The following ZC3H11A variants were observed in gnomAD, a reference collection of about 807,000 sequenced individuals.
ZC3H11A encodes zinc finger CCCH-type containing 11A.
A neutral mutation model predicts 90.8 loss-of-function variants in ZC3H11A; 22 were observed. That is an observed-to-expected ratio of 0.24 (90% CI 0.17 to 0.35). The LOEUF is 0.35. ZC3H11A is among the 10% of genes least tolerant of loss of function. ZC3H11A has a pLI of 1.00. For synonymous variants in ZC3H11A, 294 were observed against 339.8 expected (o/e 0.87, Z 1.48); for missense variants, 701 against 964.9 (o/e 0.73, Z 3.62).
intron 2 of ZC3H11A, among the ~76,000 whole-genome samples, chr1:203,809,979 A>AG (rs1337709923): frequency 6.6e-6 from 1 of 152,138 alleles, no homozygotes; most frequent in Non-Finnish European, 1.5e-5. Context: ...AACAAAAAAA[A>AG]GTAACTGGGT....
intron 3 of ZC3H11A, among the ~76,000 whole-genome samples, chr1:203,818,026 C>T (rs1271797503): frequency 2.0e-5 from 3 of 152,130 alleles, no homozygotes; most frequent in East Asian, 3.9e-4. Context: ...GGATTACAGG[C>T]GTGAGCCCCC....
In ZC3H11A at chr1:203,853,163, A is replaced by G. The variant is rs975188849; in HGVS notation, c.*764A>G. 21 of 151,850 alleles carry G rather than the reference A, an allele frequency of 1.4e-4. No homozygotes were observed. Among genetic ancestry groups the G allele is most frequent in the African/African-American group, 2.4e-4 (10 of 41,190 alleles). 9.4% of individuals were successfully genotyped at this position (151,850 alleles called of 1,614,324 possible). A position where few individuals can be genotyped will look rare whatever the true frequency, so the allele number is the denominator to read the frequency against. ...ATGATTAGAGGAATTCTTTTTTAGTATGAAAATTGTCCTTTTTCTTCTTCA... is the reference window on the plus strand; with the variant it reads ...ATGATTAGAGGAATTCTTTTTTAGTGTGAAAATTGTCCTTTTTCTTCTTCA... On this transcript the variant is annotated 3_prime_UTR_variant, in exon 18 of 18. Transcript: ENST00000367210.
At chr1:203,833,924 T>C in intron 10 of ZC3H11A, 71 bp downstream of exon 10, 1 of 1,544,160 alleles carries the variant, frequency 6.5e-7, no homozygotes, top group Non-Finnish European at 8.8e-7. Flanking sequence ...TTCTCCAAAC[T>C]CTTTTTATAC....
intron 2 of ZC3H11A, among the ~76,000 whole-genome samples, chr1:203,803,770 T>C (rs1671252278): frequency 6.6e-6 from 1 of 152,294 alleles, no homozygotes; most frequent in Non-Finnish European, 1.5e-5. Context: ...TGTACCTGGC[T>C]ACTTTTTAAA....
intron 1 of ZC3H11A, chr1:203,797,872 G>A (rs959928502): frequency 8.5e-6 from 13 of 1,536,074 alleles, no homozygotes; most frequent in Non-Finnish European, 1.0e-5. Context: ...CTTTTTGAGA[G>A]CAATATAGAA....
In ZC3H11A at chr1:203,802,082, T is replaced by C. The variant is rs559524986; in HGVS notation, c.-1080T>C. The C allele has an allele frequency of 6.5e-6, 1 of 152,744 alleles. No homozygotes were observed. Among genetic ancestry groups the C allele is most frequent in the Admixed American group, 6.5e-5 (1 of 15,296 alleles). 9.5% of individuals were successfully genotyped at this position (152,744 alleles called of 1,614,324 possible). A position where few individuals can be genotyped will look rare whatever the true frequency, so the allele number is the denominator to read the frequency against. Reference sequence around the variant, plus strand: ...GATAAAGCTTTCTGTGTTTTGACAGTGCCAGTTTAGAATGGCTATAATGCT... The same window carrying C: ...GATAAAGCTTTCTGTGTTTTGACAGCGCCAGTTTAGAATGGCTATAATGCT... On this transcript the variant is annotated 5_prime_UTR_variant, in exon 2 of 18. Coordinates refer to ENST00000367210, the MANE Select transcript of ZC3H11A (RefSeq NM_001376342.1).
At position 203,852,531 on chromosome 1, in the gene ZC3H11A, A is replaced by G. The variant is rs890647664; in HGVS notation, c.*132A>G. The stretch of plus-strand genomic sequence containing the variant: ...CCCCAAATCAGAAGTATACCTCTGA[A>G]TTATCTGTATGTGTCCTGGATTCCT... On this transcript the variant is annotated 3_prime_UTR_variant, in exon 18 of 18. Coordinates refer to ENST00000367210, the MANE Select transcript of ZC3H11A (RefSeq NM_001376342.1). 5.3e-6 allele frequency: 5 copies of G among 949,858 alleles called. No individual in the cohort carries two copies. The African/African-American group carries it at 6.7e-5, about 13-fold the overall frequency. 58.8% of individuals were successfully genotyped at this position (949,858 alleles called of 1,614,324 possible).
intron 12 of ZC3H11A, 118 bp downstream of exon 12, chr1:203,840,492 C>A: frequency 2.9e-6 from 3 of 1,020,224 alleles, no homozygotes; most frequent in Non-Finnish European, 4.3e-6. Context: ...TTTTGTAGTT[C>A]TGTTTGTTTT....
intron 9 of ZC3H11A, 145 bp from the exon 10 acceptor site, chr1:203,833,646 G>A: frequency 3.1e-6 from 1 of 319,754 alleles, no homozygotes; most frequent in East Asian, 5.5e-5. Flanking sequence ...TGATATAATG[G>A]CCTTCCTTAA....
At chr1:203,848,230 C>G in intron 13 of ZC3H11A, 101 bp from the exon 14 acceptor site, 1 of 948,054 alleles carries the variant, frequency 1.1e-6, no homozygotes, top group Non-Finnish European at 1.6e-6. Context: ...TTTTATTTGT[C>G]CTGTCTTACT....
intron 4 of ZC3H11A, among the ~76,000 whole-genome samples, chr1:203,827,365 T>TC (rs1450315191): frequency 6.6e-5 from 10 of 150,524 alleles, no homozygotes; most frequent in East Asian, 4.0e-4. Context: ...TTTTTTTTTT[T>TC]CTCCCAATTT....
At chr1:203,826,752 A>G (rs1169696999) in intron 4 of ZC3H11A, among the ~76,000 whole-genome samples, 1 of 152,232 alleles carries the variant, frequency 6.6e-6, no homozygotes, top group Non-Finnish European at 1.5e-5. Flanking sequence ...GAGATTCGAC[A>G]TAATGCAGTT....
chr1:203,836,155 A>G (rs906694038), intron 10 of ZC3H11A, among the ~76,000 whole-genome samples: 44 of 152,164 alleles, frequency 2.9e-4, no homozygotes, highest in African/African-American at 9.7e-4. Flanking sequence ...AGCTGAGGTT[A>G]GAGGATCCCT....
rs770994742 is a variant in ZC3H11A, at chr1:203,847,477, T to C, written c.1336T>C (p.Leu446=). The change falls in exon 13 of 18, where the codon TTG becomes CTG. Residue 446 remains leucine (L), a synonymous_variant. Transcript: ENST00000367210. The part of the protein sequence containing the change: ...IDSEIKKTVV[L]PPIVASRGQS... ...TAGTGAAATTAAAAAAACAGTAGTT[T>C]TGCCACCCATTGTTGCCAGCAGAGG... is the stretch of plus-strand genomic sequence containing the variant. 3.1e-6 allele frequency: 5 copies of C among 1,613,788 alleles called. No individual in the cohort carries two copies. The Admixed American group carries it at 8.3e-5, about 27-fold the overall frequency.
At chr1:203,818,813 T>A in intron 4 of ZC3H11A, 124 bp downstream of exon 4, 1 of 1,436,588 alleles carries the variant, frequency 7.0e-7, no homozygotes, top group Non-Finnish European at 9.4e-7. Flanking sequence ...CTCATGCCTG[T>A]AGTTCCAGCA....
At chr1:203,810,784 G>A (rs1674202863) in intron 2 of ZC3H11A, among the ~76,000 whole-genome samples, 1 of 151,968 alleles carries the variant, frequency 6.6e-6, no homozygotes, top group African/African-American at 2.4e-5. Context: ...TATCTACTCA[G>A]GATTCCATTT....
At chr1:203,795,926 T>C (rs936786169) in intron 1 of ZC3H11A, 132 bp downstream of exon 1, 1 of 151,710 alleles carries the variant, frequency 6.6e-6, no homozygotes, top group African/African-American at 2.4e-5. Context: ...AGCGGATCCT[T>C]CAGCTTCGCC....
Position 203,819,085 on chromosome 1 carries a change from T to TACAC in ZC3H11A, c.174+397_174+398insCACA, listed in dbSNP as rs1329539748. Among the ~76,000 whole-genome samples, 21 of 66,040 alleles carry TACAC rather than the reference T, an allele frequency of 3.2e-4. No individual in the cohort carries two copies. In the South Asian group the frequency reaches 4.3e-3, roughly 14 times the overall value. 43.3% of individuals were successfully genotyped at this position (66,040 alleles called of 152,430 possible). On this transcript the variant is annotated intron_variant, in intron 4 of 17. Transcript: ENST00000367210. ...TCCGTCTCAAAAAAAAAAATATATA[T>TACAC]ATATACACACACACACACACACACA...
At position 203,806,528 on chromosome 1, in the gene ZC3H11A, C is replaced by G. The variant is rs542448138; in HGVS notation, c.-146+3512C>G. On this transcript the variant is annotated intron_variant, in intron 2 of 17. Transcript: ENST00000367210. ...ATGTTGGCCAGGCTGGTCTTGAGCT[C>G]CTGGACTCAAGTGATCAGCCCACCT... Among the ~76,000 whole-genome samples, 32 of 152,242 alleles carry G rather than the reference C, an allele frequency of 2.1e-4. 1 individual carries two copies. Among genetic ancestry groups the G allele is most frequent in the Admixed American group, 3.9e-4 (6 of 15,298 alleles).
Sources: gnomAD v4.1 joint callset for allele counts (sites outside exome capture counted in the v4.1 genomes callset) on GRCh38, gnomAD v4.1.1 for gene constraint, MANE v1.5 for transcripts, NCBI Gene and HGNC (gene_info 2026-07-23, HGNC 2026-07-21) for gene names.